The following CFAP299 variants were observed in gnomAD, a reference collection of about 807,000 sequenced individuals.
CFAP299 encodes the protein cilia- and flagella-associated protein 299.
In CFAP299, 21 loss-of-function variants were observed where a neutral mutation model predicts 27.0. That is an observed-to-expected ratio of 0.78 (90% CI 0.55 to 1.12). CFAP299 has a LOEUF of 1.12. CFAP299 is among the 50% of genes most tolerant of loss of function. The pLI is 0.00. For synonymous variants in CFAP299, 104 were observed against 98.1 expected, an observed-to-expected ratio of 1.06 and a Z score of -0.36; for missense variants, 310 against 276.6, an observed-to-expected ratio of 1.12 and a Z score of -0.86.
At chr4:80,685,901 C>A (rs1164996261) in intron 3 of CFAP299, among the ~76,000 whole-genome samples, 3 of 152,018 alleles carry the variant, frequency 2.0e-5, no homozygotes, top group South Asian at 2.1e-4. Context: ...GAAATTGATT[C>A]CCTCATTAAA....
intron 3 of CFAP299, among the ~76,000 whole-genome samples, chr4:80,699,478 T>C (rs1380213501): frequency 1.3e-5 from 2 of 152,316 alleles, no homozygotes; most frequent in Middle Eastern, 6.8e-3. Flanking sequence ...TGAATCCTCA[T>C]AGTGTTCCAG....
intron 2 of CFAP299, among the ~76,000 whole-genome samples, chr4:80,498,377 A>G (rs540333091): frequency 6.6e-5 from 10 of 152,294 alleles, no homozygotes; most frequent in African/African-American, 2.4e-4. Context: ...CAGAATCTAT[A>G]AGGAACTTAA....
intron 3 of CFAP299, among the ~76,000 whole-genome samples, chr4:80,692,111 C>T (rs1261117222): frequency 6.6e-6 from 1 of 152,118 alleles, no homozygotes; most frequent in Non-Finnish European, 1.5e-5. Context: ...TGAAAATGGC[C>T]ATACTGCCCA....
intron 2 of CFAP299, among the ~76,000 whole-genome samples, chr4:80,431,916 C>T (rs1382254933): frequency 6.6e-6 from 1 of 152,188 alleles, no homozygotes; most frequent in East Asian, 1.9e-4. Context: ...TCCTGTGATA[C>T]TGTGCTACTT....
intron 2 of CFAP299, among the ~76,000 whole-genome samples, chr4:80,557,635 A>C (rs1419580500): frequency 6.6e-6 from 1 of 152,070 alleles, no homozygotes; most frequent in Non-Finnish European, 1.5e-5. Context: ...CAAAACCATC[A>C]AAAATGTCTT....
At chr4:80,910,448 TAAAG>T (rs927854165) in intron 4 of CFAP299, among the ~76,000 whole-genome samples, 6 of 152,004 alleles carry the variant, frequency 3.9e-5, no homozygotes, top group Non-Finnish European at 7.4e-5. Context: ...ACAGACTGAA[TAAAG>T]AAATTGTGGT....
intron 2 of CFAP299, among the ~76,000 whole-genome samples, chr4:80,458,194 A>G (rs778010835): frequency 6.6e-6 from 1 of 152,236 alleles, no homozygotes; most frequent in African/African-American, 2.4e-5. Context: ...GGGCGCCCCC[A>G]AAATTCAAGA....
intron 3 of CFAP299, among the ~76,000 whole-genome samples, chr4:80,799,417 G>A (rs537480793): frequency 0.037 from 2,904 of 78,378 alleles, 161 homozygotes; most frequent in African/African-American, 0.12. Context: ...ATACATATAA[G>A]TAATATTTAT....
intron 2 of CFAP299, among the ~76,000 whole-genome samples, chr4:80,414,249 T>A (rs922047782): frequency 4.3e-4 from 65 of 151,420 alleles, no homozygotes; most frequent in African/African-American, 1.5e-3. Context: ...TTTTTGTATT[T>A]TTAGTAGAGA....
chr4:80,344,607 C>A (rs1374129736), intron 1 of CFAP299, among the ~76,000 whole-genome samples: 1 of 152,024 alleles, frequency 6.6e-6, no homozygotes, highest in Non-Finnish European at 1.5e-5. Context: ...GAAACTATTT[C>A]AAAAAATTGA....
intron 2 of CFAP299, among the ~76,000 whole-genome samples, chr4:80,367,396 G>T (rs1021846161): frequency 1.3e-5 from 2 of 152,164 alleles, no homozygotes; most frequent in Admixed American, 6.5e-5. Flanking sequence ...GCAAAGAGTG[G>T]TGTGAGTGAA....
chr4:80,425,279 G>A (rs146177376), intron 2 of CFAP299, among the ~76,000 whole-genome samples: 1 of 152,046 alleles, frequency 6.6e-6, no homozygotes, highest in East Asian at 1.9e-4. Context: ...ATTTTTTTCT[G>A]CACTGTATAT....
rs553108719 is a variant in CFAP299 at position 80,735,900 on chromosome 4, T to C, written c.334-134093T>C. Among the ~76,000 whole-genome samples the C allele has an allele frequency of 2.6e-5, 4 of 152,276 alleles. No individual in the cohort carries two copies. The South Asian group carries it at 8.3e-4, about 32-fold the overall frequency. On this transcript the variant is annotated intron_variant, in intron 3 of 5. Transcript: ENST00000358105. ...AGGGATAATGGTCTTTGGTTTTCTT[T>C]TTTTGATGTGTCTTTTTCTTTTTTT...
chr4:80,741,006 A>G (rs576095263), intron 3 of CFAP299, among the ~76,000 whole-genome samples: 1 of 152,116 alleles, frequency 6.6e-6, no homozygotes, highest in South Asian at 2.1e-4. Context: ...GGATTTGGTG[A>G]CCCCAAGAGC....
intron 3 of CFAP299, among the ~76,000 whole-genome samples, chr4:80,799,277 T>TATATAGTATAA (rs1728088799): frequency 1.8e-5 from 2 of 110,752 alleles, no homozygotes; most frequent in African/African-American, 7.5e-5. Flanking sequence ...AATATTTATA[T>TATATAGTATAA]ATATATTGTA....
At chr4:80,800,335 T>TATATAATATATAATATATATGATATATTA (rs1422695638) in intron 3 of CFAP299, among the ~76,000 whole-genome samples, 1 of 69,770 alleles carries the variant, frequency 1.4e-5, no homozygotes, top group Non-Finnish European at 2.4e-5. Context: ...AATATTAATA[T>TATATAATATATAATATATATGATATATTA]ATATAATATA....
At chr4:80,474,809 G>A (rs890405874) in intron 2 of CFAP299, among the ~76,000 whole-genome samples, 1 of 152,188 alleles carries the variant, frequency 6.6e-6, no homozygotes, top group Non-Finnish European at 1.5e-5. Flanking sequence ...TGAGAAAGAC[G>A]TGGTACCTGT....
At chr4:80,856,741 C>G (rs1731920955) in intron 3 of CFAP299, among the ~76,000 whole-genome samples, 1 of 152,122 alleles carries the variant, frequency 6.6e-6, no homozygotes, top group African/African-American at 2.4e-5. Context: ...TCTGAGGGCT[C>G]TGTTCTGTTC....
rs1376119932 is a variant in CFAP299 at position 80,466,386 on chromosome 4, CTA to C, written c.242+103504_242+103505del. On this transcript the variant is annotated intron_variant, in intron 2 of 5. Coordinates refer to ENST00000358105, the MANE Select transcript of CFAP299 (RefSeq NM_152770.3). ...TGATTATTTTAAGGTTCCAAAAATT[CTA>C]TTGGAATTGCTTATAAATGTTTGAA... Among the ~76,000 whole-genome samples, 3 of 152,148 alleles carry C rather than the reference CTA, an allele frequency of 2.0e-5. No individual in the cohort carries two copies. In the South Asian group the frequency reaches 6.2e-4, roughly 32 times the overall value.
Sources: allele counts gnomAD v4.1 joint callset (sites outside exome capture counted in the v4.1 genomes callset), GRCh38; gene constraint gnomAD v4.1.1; transcripts MANE v1.5; gene names NCBI Gene and HGNC (gene_info 2026-07-23, HGNC 2026-07-21).